The following SNTG2 variants were observed in gnomAD, a reference collection of about 807,000 sequenced individuals.
SNTG2 encodes the protein syntrophin gamma 2, also known as gamma-2-syntrophin.
In SNTG2, 74 loss-of-function variants were observed where a neutral mutation model predicts 70.9. The observed-to-expected ratio is 1.04, with a 90% CI of 0.86 to 1.27. The LOEUF is 1.27. Among genes scored for constraint, SNTG2 ranks in the 50% most tolerant of loss-of-function variants. The probability of loss-of-function intolerance (pLI) is 0.00; values close to 1 mark genes in which losing one functional copy is unlikely to be tolerated. For synonymous variants in SNTG2, 278 were observed against 273.8 expected (o/e 1.02, Z -0.15); for missense variants, 717 against 690.7 (o/e 1.04, Z -0.43).
chr2:1,173,843 T>C (rs1671294181), intron 8 of SNTG2, among the ~76,000 whole-genome samples: 2 of 152,292 alleles, frequency 1.3e-5, no homozygotes, highest in Admixed American at 6.5e-5. Flanking sequence ...CAGGGTGACC[T>C]GTGAGCTGCG....
intron 2 of SNTG2, among the ~76,000 whole-genome samples, chr2:1,090,663 C>T (rs1664959010): frequency 1.3e-5 from 2 of 152,264 alleles, no homozygotes; most frequent in African/African-American, 4.8e-5. Context: ...AGGTTTGCAG[C>T]CCCCCTTCCC....
chr2:1,162,325 A>G (rs1440695400), intron 6 of SNTG2, among the ~76,000 whole-genome samples: 2 of 152,122 alleles, frequency 1.3e-5, no homozygotes, highest in African/African-American at 2.4e-5. Context: ...GATTTCCAAC[A>G]AGGACTTCAG....
At chr2:1,057,049 C>T (rs1207379673) in intron 1 of SNTG2, among the ~76,000 whole-genome samples, 2 of 151,898 alleles carry the variant, frequency 1.3e-5, no homozygotes, top group Admixed American at 6.5e-5. Flanking sequence ...ATGCCGCTTC[C>T]TCCAGGACCT....
intron 12 of SNTG2, among the ~76,000 whole-genome samples, chr2:1,248,082 A>C (rs1272668813): frequency 6.6e-6 from 1 of 152,194 alleles, no homozygotes; most frequent in Non-Finnish European, 1.5e-5. Flanking sequence ...TCAGGTACCT[A>C]CACGTTTTGG....
At position 1,007,205 on chromosome 2, in the gene SNTG2, A is replaced by G. The variant is rs546951454; in HGVS notation, c.72+56137A>G. 1.2e-4 allele frequency among the ~76,000 whole-genome samples: 19 copies of G among 152,164 alleles called. 1 individual carries two copies. In the South Asian group the frequency reaches 3.1e-3, roughly 25 times the overall value. ...CCATCCCCCACAGATCCCAAAGGACACTGCATGACTCTCACACACACCCTA... is the reference window on the plus strand; with the variant it reads ...CCATCCCCCACAGATCCCAAAGGACGCTGCATGACTCTCACACACACCCTA... On this transcript the variant is annotated intron_variant, in intron 1 of 16. Coordinates refer to ENST00000308624, the MANE Select transcript of SNTG2 (RefSeq NM_018968.4).
chr2:1,310,240 A>G (rs1015028945), intron 15 of SNTG2, among the ~76,000 whole-genome samples: 3 of 152,068 alleles, frequency 2.0e-5, no homozygotes, highest in Admixed American at 6.5e-5. Context: ...CCTCCTTTCC[A>G]GGAGCGAAAC....
At chr2:957,151 T>C (rs1660191910) in intron 1 of SNTG2, among the ~76,000 whole-genome samples, 1 of 152,188 alleles carries the variant, frequency 6.6e-6, no homozygotes, top group Non-Finnish European at 1.5e-5. Flanking sequence ...GATGCAGTGT[T>C]TTTAGAAACG....
intron 8 of SNTG2, among the ~76,000 whole-genome samples, chr2:1,202,669 G>A (rs963604583): frequency 6.6e-6 from 1 of 152,160 alleles, no homozygotes; most frequent in East Asian, 1.9e-4. Context: ...ACTGTATGGT[G>A]TATACAGAAA....
chr2:1,008,288 A>G (rs1393888988), intron 1 of SNTG2, among the ~76,000 whole-genome samples: 1 of 152,244 alleles, frequency 6.6e-6, no homozygotes, highest in Admixed American at 6.5e-5. Flanking sequence ...AACACTCACC[A>G]TTTATAAGCA....
intron 8 of SNTG2, among the ~76,000 whole-genome samples, chr2:1,182,769 T>C (rs1394419138): frequency 6.6e-6 from 1 of 152,200 alleles, no homozygotes. Flanking sequence ...GTTTGCTTGT[T>C]TGAGACAGGG....
chr2:1,157,439 C>T (rs888707969), intron 6 of SNTG2, among the ~76,000 whole-genome samples: 3 of 152,216 alleles, frequency 2.0e-5, no homozygotes, highest in South Asian at 2.1e-4. Context: ...GACACTCACA[C>T]GTGCACAAGG....
At chr2:1,036,128 G>A (rs1661114818) in intron 1 of SNTG2, among the ~76,000 whole-genome samples, 2 of 152,088 alleles carry the variant, frequency 1.3e-5, no homozygotes, top group Non-Finnish European at 2.9e-5. Context: ...CGGTTTATTA[G>A]CATCAGCTTC....
chr2:1,142,500 CA>C (rs1668824627), intron 6 of SNTG2, among the ~76,000 whole-genome samples: 1 of 94,172 alleles, frequency 1.1e-5, no homozygotes, highest in African/African-American at 4.4e-5. Context: ...AGGGTTTTTT[CA>C]ATTTTTTTGG....
At chr2:1,290,405 C>T (rs1328271612) in intron 14 of SNTG2, among the ~76,000 whole-genome samples, 2 of 151,784 alleles carry the variant, frequency 1.3e-5, no homozygotes, top group South Asian at 4.2e-4. Context: ...ACCTCCGGCT[C>T]CCAGGTTCCA....
intron 1 of SNTG2, among the ~76,000 whole-genome samples, chr2:1,012,070 C>A (rs1055443912): frequency 9.2e-5 from 14 of 152,218 alleles, no homozygotes; most frequent in African/African-American, 3.4e-4. Flanking sequence ...CTAAATCAAG[C>A]AATCTCTAAA....
chr2:970,315 T>C (rs1217449799), intron 1 of SNTG2, among the ~76,000 whole-genome samples: 1 of 151,954 alleles, frequency 6.6e-6, no homozygotes, highest in East Asian at 1.9e-4. Flanking sequence ...ATGTGCACAA[T>C]GTGCAGGTTA....
At chr2:1,191,624 T>C (rs1157016186) in intron 8 of SNTG2, among the ~76,000 whole-genome samples, 1 of 152,064 alleles carries the variant, frequency 6.6e-6, no homozygotes, top group Non-Finnish European at 1.5e-5. Context: ...TGAAACCCCA[T>C]CTCTAGTAAA....
chr2:1,038,543 C>G (rs1395946678), intron 1 of SNTG2, among the ~76,000 whole-genome samples: 1 of 152,184 alleles, frequency 6.6e-6, no homozygotes, highest in South Asian at 2.1e-4. Context: ...TCCAAATTAA[C>G]CTTTTCTGCC....
intron 4 of SNTG2, among the ~76,000 whole-genome samples, chr2:1,119,862 ATGAC>A (rs558537313): frequency 2.4e-4 from 37 of 152,302 alleles, no homozygotes; most frequent in Admixed American, 1.6e-3. Context: ...AAATAAGAGA[ATGAC>A]TGGTCATTCC....
Sources: allele counts gnomAD v4.1 joint callset (sites outside exome capture counted in the v4.1 genomes callset), GRCh38; gene constraint gnomAD v4.1.1; transcripts MANE v1.5; gene names NCBI Gene and HGNC (gene_info 2026-07-23, HGNC 2026-07-21).